RTN1: variants seen among roughly 807,000 people sequenced by gnomAD.
RTN1 encodes reticulon-1.
RTN1 carries 25 observed loss-of-function variants against 65.5 expected under a neutral mutation model. That is an observed-to-expected ratio of 0.38 (90% CI 0.28 to 0.53). RTN1 has a LOEUF of 0.53. RTN1 is among the 20% of genes least tolerant of loss of function. RTN1 has a pLI of 0.79. For synonymous variants in RTN1, 471 were observed against 447.6 expected (o/e 1.05, Z -0.66); for missense variants, 983 against 1,025.4 (o/e 0.96, Z 0.57).
chr14:59,770,753 C>T (rs1885940676), intron 1 of RTN1, among the ~76,000 whole-genome samples: 1 of 152,012 alleles, frequency 6.6e-6, no homozygotes, highest in South Asian at 2.1e-4. Context: ...ACCTTAAATA[C>T]TTTATTTAAG....
intron 8 of RTN1, among the ~76,000 whole-genome samples, chr14:59,599,194 C>G (rs1192323718): frequency 1.3e-5 from 2 of 152,216 alleles, no homozygotes; most frequent in Non-Finnish European, 2.9e-5. Context: ...GTTACCCTCT[C>G]TCATCTATCC....
intron 3 of RTN1, chr14:59,630,784 G>T (rs1334729229): frequency 1.9e-6 from 2 of 1,052,988 alleles, no homozygotes; most frequent in Middle Eastern, 4.4e-4. Flanking sequence ...CTGCCCAAGG[G>T]TGCTACCCTG....
chr14:59,703,253 T>G (rs1186968397), intron 3 of RTN1, among the ~76,000 whole-genome samples: 1 of 152,228 alleles, frequency 6.6e-6, no homozygotes, highest in African/African-American at 2.4e-5. Context: ...CCAAATCTCA[T>G]GTTGAAATGT....
chr14:59,671,045 T>C (rs1397318005), intron 3 of RTN1, among the ~76,000 whole-genome samples: 1 of 152,196 alleles, frequency 6.6e-6, no homozygotes, highest in Non-Finnish European at 1.5e-5. Flanking sequence ...CTGTTGGTTT[T>C]AAGTAGTGGA....
intron 1 of RTN1, among the ~76,000 whole-genome samples, chr14:59,838,280 T>C (rs1887249483): frequency 6.6e-6 from 1 of 152,228 alleles, no homozygotes; most frequent in Non-Finnish European, 1.5e-5. Flanking sequence ...CAAAGGTCAG[T>C]TCAACCTTTC....
intron 2 of RTN1, among the ~76,000 whole-genome samples, chr14:59,731,168 T>C (rs1884887613): frequency 6.6e-6 from 1 of 152,208 alleles, no homozygotes. Flanking sequence ...GGAATATTAT[T>C]TAGACATAAA....
intron 1 of RTN1, among the ~76,000 whole-genome samples, chr14:59,839,780 T>C (rs1003592696): frequency 3.3e-5 from 5 of 152,152 alleles, no homozygotes; most frequent in African/African-American, 9.7e-5. Flanking sequence ...AGGTGTTTTT[T>C]TTTCTCTCTC....
At chr14:59,784,628 G>GTA (rs903015007) in intron 1 of RTN1, among the ~76,000 whole-genome samples, 1 of 152,102 alleles carries the variant, frequency 6.6e-6, no homozygotes, top group Non-Finnish European at 1.5e-5. Flanking sequence ...ATATGTTTTG[G>GTA]TATAGCCTTT....
chr14:59,744,766 G>GTA (rs1351612442), intron 2 of RTN1, among the ~76,000 whole-genome samples: 1 of 152,080 alleles, frequency 6.6e-6, no homozygotes, highest in Non-Finnish European at 1.5e-5. Context: ...CCCTTTAAGT[G>GTA]TACAGACTTA....
intron 1 of RTN1, among the ~76,000 whole-genome samples, chr14:59,819,587 C>G (rs889919650): frequency 6.6e-6 from 1 of 152,018 alleles, no homozygotes; most frequent in Non-Finnish European, 1.5e-5. Flanking sequence ...ACCAGTTCTG[C>G]GCTGCGCGAC....
At chr14:59,830,977 T>G (rs1887115126) in intron 1 of RTN1, among the ~76,000 whole-genome samples, 1 of 152,216 alleles carries the variant, frequency 6.6e-6, no homozygotes, top group Non-Finnish European at 1.5e-5. Context: ...GTAAGTATGT[T>G]TTAGATCAGT....
intron 3 of RTN1, among the ~76,000 whole-genome samples, chr14:59,678,254 T>G (rs1249852388): frequency 1.3e-5 from 2 of 152,086 alleles, no homozygotes; most frequent in Non-Finnish European, 2.9e-5. Flanking sequence ...CTCCAAAGTT[T>G]TATTTAAGGG....
rs150860589 is a variant in RTN1 at position 59,741,122 on chromosome 14, A to C, written c.1015+4586T>G. On this transcript the variant is annotated intron_variant, in intron 2 of 8. Coordinates refer to ENST00000267484, the MANE Select transcript of RTN1 (RefSeq NM_021136.3). ...TCTCCATGCAGCATCCGGAAGGATC[A>C]ATTGAAAACCCAAGTCTGATCCTGC... Among the ~76,000 whole-genome samples the C allele has an allele frequency of 1.4e-3, 212 of 152,298 alleles. 1 individual carries two copies. The highest frequency in any genetic ancestry group is 4.7e-3 in the African/African-American group (196 of 41,554).
At chr14:59,852,275 G>A (rs559170250) in intron 1 of RTN1, among the ~76,000 whole-genome samples, 3 of 152,042 alleles carry the variant, frequency 2.0e-5, no homozygotes, top group Non-Finnish European at 4.4e-5. Flanking sequence ...TTACTTTGAT[G>A]GTATGTTCAT....
chr14:59,732,597 C>T (rs1441187401), intron 2 of RTN1, among the ~76,000 whole-genome samples: 3 of 152,150 alleles, frequency 2.0e-5, no homozygotes, highest in African/African-American at 7.2e-5. Flanking sequence ...TTGCAACTCT[C>T]GGATCAGGAG....
chr14:59,699,729 G>T (rs573498502), intron 3 of RTN1, among the ~76,000 whole-genome samples: 1 of 152,134 alleles, frequency 6.6e-6, no homozygotes, highest in Non-Finnish European at 1.5e-5. Flanking sequence ...TCAAGGAGGC[G>T]AAACAGAATT....
At chr14:59,800,470 G>A (rs184825671) in intron 1 of RTN1, among the ~76,000 whole-genome samples, 4 of 152,172 alleles carry the variant, frequency 2.6e-5, no homozygotes, top group East Asian at 1.9e-4. Context: ...GCACGATCTC[G>A]GCTCACTGCA....
At chr14:59,822,709 G>A (rs1235493590) in intron 1 of RTN1, among the ~76,000 whole-genome samples, 3 of 152,016 alleles carry the variant, frequency 2.0e-5, no homozygotes, top group African/African-American at 7.2e-5. Flanking sequence ...TGGTAAGTTT[G>A]TACCTTTGTT....
chr14:59,614,323 A>G (rs1477208713), intron 3 of RTN1, among the ~76,000 whole-genome samples: 1 of 152,174 alleles, frequency 6.6e-6, no homozygotes, highest in Non-Finnish European at 1.5e-5. Flanking sequence ...TGCTCCTCCA[A>G]GGGCTCCACC....
Sources: allele counts gnomAD v4.1 joint callset (sites outside exome capture counted in the v4.1 genomes callset), GRCh38; gene constraint gnomAD v4.1.1; transcripts MANE v1.5; gene names NCBI Gene and HGNC (gene_info 2026-07-23, HGNC 2026-07-21).